Variants in ZNF148 observed in about 807,000 individuals in gnomAD.
ZNF148 encodes the protein zinc finger protein 148.
A neutral mutation model predicts 67.7 loss-of-function variants in ZNF148; 7 were observed. The ratio of observed to expected loss-of-function variants is 0.10; its 90% CI spans 0.06 to 0.19. The LOEUF (loss-of-function observed/expected upper bound fraction) is 0.19. Ranked by LOEUF, ZNF148 falls within the 10% of genes least tolerant of loss-of-function variation. The pLI, the probability that ZNF148 is intolerant of heterozygous loss-of-function variation, is 1.00. For synonymous variants in ZNF148, 333 were observed against 330.7 expected, an observed-to-expected ratio of 1.01 and a Z score of -0.08; for missense variants, 583 against 947.1, an observed-to-expected ratio of 0.62 and a Z score of 5.05.
chr3:125,308,101 A>G (rs1251523369), intron 4 of ZNF148, among the ~76,000 whole-genome samples: 1 of 152,240 alleles, frequency 6.6e-6, no homozygotes, highest in Non-Finnish European at 1.5e-5. Flanking sequence ...AAAGAGATAC[A>G]GATTGGAAAG....
intron 4 of ZNF148, among the ~76,000 whole-genome samples, chr3:125,307,396 C>T (rs1381289263): frequency 1.3e-5 from 2 of 151,804 alleles, no homozygotes; most frequent in African/African-American, 2.4e-5. Flanking sequence ...CTCCGCCTCC[C>T]GCATTCACGC....
At chr3:125,272,514 T>C (rs997247758) in intron 7 of ZNF148, among the ~76,000 whole-genome samples, 1 of 152,186 alleles carries the variant, frequency 6.6e-6, no homozygotes, top group African/African-American at 2.4e-5. Context: ...ATATTTCTGT[T>C]GTAAGACATA....
chr3:125,330,244 T>C (rs2107709929), intron 2 of ZNF148, among the ~76,000 whole-genome samples: 1 of 152,160 alleles, frequency 6.6e-6, no homozygotes, highest in South Asian at 2.1e-4. Flanking sequence ...GCGGATGGAT[T>C]GCTTGAGCTC....
At chr3:125,332,873 A>G (rs1055446605) in intron 1 of ZNF148, among the ~76,000 whole-genome samples, 1 of 152,208 alleles carries the variant, frequency 6.6e-6, no homozygotes, top group African/African-American at 2.4e-5. Flanking sequence ...CTGCTTGTTC[A>G]CTATTCTATT....
At chr3:125,344,300 G>T in intron 1 of ZNF148, 1 of 477,750 alleles carries the variant, frequency 2.1e-6, no homozygotes, top group South Asian at 2.1e-5. Context: ...AAGCCCCCAT[G>T]ACCTAGTGAC....
intron 3 of ZNF148, among the ~76,000 whole-genome samples, chr3:125,317,981 C>A (rs1244144955): frequency 6.6e-6 from 1 of 151,818 alleles, no homozygotes; most frequent in Non-Finnish European, 1.5e-5. Flanking sequence ...CTATCATATA[C>A]CTCAACCTGT....
intron 7 of ZNF148, among the ~76,000 whole-genome samples, chr3:125,256,100 C>T (rs112008247): frequency 2.6e-5 from 4 of 151,560 alleles, no homozygotes; most frequent in East Asian, 1.9e-4. Context: ...ATCGGCGGGG[C>T]GCAGTGTAAT....
At chr3:125,263,476 G>A (rs992738606) in intron 7 of ZNF148, among the ~76,000 whole-genome samples, 15 of 151,900 alleles carry the variant, frequency 9.9e-5, no homozygotes, top group African/African-American at 2.9e-4. Context: ...ACTTGAACCC[G>A]GGAGACTGAG....
At chr3:125,345,064 T>C (rs1301281258) in intron 1 of ZNF148, among the ~76,000 whole-genome samples, 3 of 152,314 alleles carry the variant, frequency 2.0e-5, no homozygotes, top group Admixed American at 6.5e-5. Flanking sequence ...TCAACCAACA[T>C]GGTCTTCTTG....
Position 125,228,042 on chromosome 3 carries a change from A to C in ZNF148, c.*4299T>G, listed in dbSNP as rs1177798938. On this transcript the variant is annotated 3_prime_UTR_variant, in exon 9 of 9. Transcript: ENST00000360647. Reference sequence around the variant, plus strand: ...ACCAAGCTTGAAAAATAAGTATCTAAAAATCAATGTAGAAAGTTTAGAATT... The same window carrying C: ...ACCAAGCTTGAAAAATAAGTATCTACAAATCAATGTAGAAAGTTTAGAATT... 1 of 152,642 alleles carries C rather than the reference A, an allele frequency of 6.6e-6. No individual in the cohort carries two copies. Among genetic ancestry groups the C allele is most frequent in the Non-Finnish European group, 1.5e-5 (1 of 68,030 alleles). 9.5% of individuals were successfully genotyped at this position (152,642 alleles called of 1,614,324 possible).
At chr3:125,259,417 T>G (rs2107568337) in intron 7 of ZNF148, among the ~76,000 whole-genome samples, 1 of 152,308 alleles carries the variant, frequency 6.6e-6, no homozygotes, top group East Asian at 1.9e-4. Context: ...TAAAATGGTA[T>G]AGTTGCTTTG....
intron 7 of ZNF148, among the ~76,000 whole-genome samples, chr3:125,267,172 A>G (rs1937551149): frequency 6.6e-6 from 1 of 152,014 alleles, no homozygotes; most frequent in South Asian, 2.1e-4. Flanking sequence ...AAACCATTCC[A>G]AAAAATCAAG....
chr3:125,302,253 C>T (rs1258813887), intron 4 of ZNF148, among the ~76,000 whole-genome samples: 1 of 151,252 alleles, frequency 6.6e-6, no homozygotes, highest in Admixed American at 6.6e-5. Flanking sequence ...TGGCACACAA[C>T]TGTGGTGCCA....
chr3:125,301,722 G>A (rs186568315), intron 4 of ZNF148, among the ~76,000 whole-genome samples: 1 of 152,142 alleles, frequency 6.6e-6, no homozygotes, highest in Non-Finnish European at 1.5e-5. Context: ...TACAGTTTTG[G>A]GGACCTGTAT....
intron 7 of ZNF148, among the ~76,000 whole-genome samples, chr3:125,268,357 T>C (rs967480952): frequency 1.4e-5 from 2 of 139,544 alleles, no homozygotes; most frequent in African/African-American, 6.4e-5. Flanking sequence ...GGTACAAAAA[T>C]AGATACACAA....
intron 7 of ZNF148, among the ~76,000 whole-genome samples, chr3:125,258,123 A>T (rs201113526): frequency 2.1e-5 from 3 of 142,502 alleles, no homozygotes; most frequent in Non-Finnish European, 3.1e-5. Context: ...CATTTTTTTT[A>T]AAGAGATAGC....
intron 1 of ZNF148, among the ~76,000 whole-genome samples, chr3:125,366,314 G>C (rs1942700931): frequency 6.6e-6 from 1 of 152,140 alleles, no homozygotes; most frequent in South Asian, 2.1e-4. Flanking sequence ...GCTTCTGTTT[G>C]CTTACCAAGC....
chr3:125,298,149 G>A (rs1452338756), intron 4 of ZNF148, among the ~76,000 whole-genome samples: 1 of 152,132 alleles, frequency 6.6e-6, no homozygotes, highest in Non-Finnish European at 1.5e-5. Flanking sequence ...AAGTGTTGGG[G>A]TAGTAGTAAT....
intron 5 of ZNF148, among the ~76,000 whole-genome samples, chr3:125,284,521 G>A (rs1385054071): frequency 6.6e-6 from 1 of 152,042 alleles, no homozygotes; most frequent in African/African-American, 2.4e-5. Context: ...CAGGTGGATG[G>A]GGGAGAGCCC....
Sources: allele counts gnomAD v4.1 joint callset (sites outside exome capture counted in the v4.1 genomes callset), GRCh38; gene constraint gnomAD v4.1.1; transcripts MANE v1.5; gene names NCBI Gene and HGNC (gene_info 2026-07-23, HGNC 2026-07-21).